Variants in LRP11 observed in about 807,000 individuals in gnomAD.
LRP11 encodes the protein LDL receptor related protein 11.
In LRP11, 25 loss-of-function variants were observed where a neutral mutation model predicts 43.1. The observed-to-expected ratio is 0.58, with a 90% CI of 0.42 to 0.81. The LOEUF (loss-of-function observed/expected upper bound fraction) is 0.81. Ranked by LOEUF, LRP11 falls within the 30% of genes least tolerant of loss-of-function variation. The pLI is 0.00. For missense variants in LRP11, 623 were observed against 665.1 expected, an observed-to-expected ratio of 0.94 and a Z score of 0.70; for synonymous variants, 316 against 299.4, an observed-to-expected ratio of 1.06 and a Z score of -0.57.
At chr6:149,845,525 T>TAA (rs1776618927) in intron 2 of LRP11, among the ~76,000 whole-genome samples, 1 of 152,152 alleles carries the variant, frequency 6.6e-6, no homozygotes. Flanking sequence ...GCCACGCTGT[T>TAA]ACATTACCTT....
chr6:149,863,877 C>A lies in LRP11; in HGVS notation c.144G>T (p.Leu48=). The A allele has an allele frequency of 2.7e-6, 4 of 1,499,470 alleles. No homozygotes were observed. The highest frequency in any genetic ancestry group is 1.2e-5 in the South Asian group (1 of 80,232). The allele number at this position is 1,499,470 out of a possible 1,614,324, so 92.9% of individuals were successfully genotyped here. A position where few individuals can be genotyped will look rare whatever the true frequency, so the allele number is the denominator to read the frequency against. Residue 48 remains leucine, a synonymous_variant, in exon 1 of 7, where the codon CTG becomes CTT. Coordinates refer to ENST00000239367, the MANE Select transcript of LRP11 (RefSeq NM_032832.6). Reference sequence around the variant, plus strand: ...GCTCCACGCCCGACAGCTGCGCGTGCAGTTCGGACAGCGGCGCCGCGGGCG... The same window carrying A: ...GCTCCACGCCCGACAGCTGCGCGTGAAGTTCGGACAGCGGCGCCGCGGGCG... ...ALPPAAPLSE[L]HAQLSGVEQL... is the part of the protein sequence containing the mutation.
At chr6:149,860,087 A>G (rs893297850) in intron 1 of LRP11, among the ~76,000 whole-genome samples, 1 of 152,150 alleles carries the variant, frequency 6.6e-6, no homozygotes, top group Non-Finnish European at 1.5e-5. Flanking sequence ...TTGGAGAGGG[A>G]GAGTGGTCAA....
At chr6:149,835,741 G>A (rs1377736724) in intron 5 of LRP11, among the ~76,000 whole-genome samples, 3 of 152,112 alleles carry the variant, frequency 2.0e-5, no homozygotes, top group African/African-American at 7.2e-5. Context: ...ACTTGCTTGG[G>A]TGAAGAGGAT....
At chr6:149,823,277 T>TA (rs1562435241) in intron 6 of LRP11, among the ~76,000 whole-genome samples, 1 of 152,076 alleles carries the variant, frequency 6.6e-6, no homozygotes, top group Non-Finnish European at 1.5e-5. Context: ...GTACAGAAGA[T>TA]GGAGGATGCT....
intron 4 of LRP11, 56 bp downstream of exon 4, chr6:149,837,282 C>T: frequency 6.3e-7 from 1 of 1,576,364 alleles, no homozygotes; most frequent in Non-Finnish European, 8.6e-7. Flanking sequence ...AGAACACAGA[C>T]CTCCCAACTC....
intron 2 of LRP11, 151 bp from the exon 3 acceptor site, chr6:149,843,275 T>C: frequency 1.3e-6 from 1 of 765,054 alleles, no homozygotes; most frequent in East Asian, 2.6e-5. Context: ...CACACACTGT[T>C]GGCAGCTGGC....
chr6:149,863,550 C>G lies in LRP11; in HGVS notation c.471G>C (p.Val157=). Residue 157 remains valine (V), a synonymous_variant, in exon 1 of 7, where the codon GTG becomes GTC. Transcript: ENST00000239367. ...LPRRPAPPAA[V]LGCYLFNCTA... Reference sequence around the variant, plus strand: ...TGCAGTTGAAGAGGTAGCAGCCGAGCACGGCTGCCGGGGGCGCGGGGCGCC... The same window carrying G: ...TGCAGTTGAAGAGGTAGCAGCCGAGGACGGCTGCCGGGGGCGCGGGGCGCC... 2 of 1,371,730 alleles carry G rather than the reference C, an allele frequency of 1.5e-6. No individual in the cohort carries two copies. Among genetic ancestry groups the G allele is most frequent in the Non-Finnish European group, 1.9e-6 (2 of 1,070,276 alleles). The allele number at this position is 1,371,730 out of a possible 1,614,324, so 85.0% of individuals were successfully genotyped here.
chr6:149,823,690 T>C (rs1411492260), intron 6 of LRP11, among the ~76,000 whole-genome samples: 1 of 152,188 alleles, frequency 6.6e-6, no homozygotes, highest in Non-Finnish European at 1.5e-5. Flanking sequence ...GTAAAACTCC[T>C]GAACAAGATT....
rs1018718191 is a variant in LRP11, at chr6:149,825,999, C to T, written c.1348+265G>A. Reference sequence around the variant, plus strand: ...TCTGACTCTAAAGCTTGTGTTCTCCCACCATGCCACAAGTATGACATTTTC... The same window carrying T: ...TCTGACTCTAAAGCTTGTGTTCTCCTACCATGCCACAAGTATGACATTTTC... On this transcript the variant is annotated intron_variant, in intron 6 of 6. Coordinates refer to ENST00000239367, the MANE Select transcript of LRP11 (RefSeq NM_032832.6). 4.6e-5 allele frequency: 20 copies of T among 434,320 alleles called. No individual in the cohort carries two copies. In the South Asian group the frequency reaches 4.6e-4, roughly 10 times the overall value. 26.9% of individuals were successfully genotyped at this position (434,320 alleles called of 1,614,324 possible).
In LRP11 at chr6:149,855,722, A is replaced by C. The variant is rs559586556; in HGVS notation, c.614-2562T>G. On this transcript the variant is annotated intron_variant, in intron 1 of 6. Coordinates refer to ENST00000239367, the MANE Select transcript of LRP11 (RefSeq NM_032832.6). Reference sequence around the variant, plus strand: ...CTTTTTTTTTTTTTTTAAAAAAAAAACACATTATGAGGAATTAAGCACAAT... The same window carrying C: ...CTTTTTTTTTTTTTTTAAAAAAAAACCACATTATGAGGAATTAAGCACAAT... Among the ~76,000 whole-genome samples the C allele has an allele frequency of 5.4e-5, 8 of 148,490 alleles. No individual in the cohort carries two copies. In the East Asian group the frequency reaches 1.4e-3, roughly 25 times the overall value.
At chr6:149,832,781 C>T (rs576721451) in intron 5 of LRP11, among the ~76,000 whole-genome samples, 45 of 151,818 alleles carry the variant, frequency 3.0e-4, no homozygotes, top group African/African-American at 7.0e-4. Flanking sequence ...CCACCATGCC[C>T]GGCTAATTTT....
chr6:149,845,462 C>T (rs141826716), intron 2 of LRP11, among the ~76,000 whole-genome samples: 211 of 152,332 alleles, frequency 1.4e-3, no homozygotes, highest in African/African-American at 4.9e-3. Flanking sequence ...CTGGCAATGA[C>T]GGCCACCTGC....
intron 5 of LRP11, among the ~76,000 whole-genome samples, chr6:149,829,195 C>T (rs1430560393): frequency 6.6e-6 from 1 of 152,162 alleles, no homozygotes. Context: ...TCTGCTTTAT[C>T]TCTCTCTCCA....
At position 149,864,001 on chromosome 6, in the gene LRP11, T is replaced by C; in HGVS notation, c.20A>G (p.Glu7Gly). 1 of 1,364,558 alleles carries C rather than the reference T, an allele frequency of 7.3e-7. No individual in the cohort carries two copies. Among genetic ancestry groups the C allele is most frequent in the Non-Finnish European group, 9.4e-7 (1 of 1,067,022 alleles). The allele number at this position is 1,364,558 out of a possible 1,614,324, so 84.5% of individuals were successfully genotyped here. A position where few individuals can be genotyped will look rare whatever the true frequency, so the allele number is the denominator to read the frequency against. MASVAQ[E>G]SAGSQRRLPP... ...TAGCCGGCGCTGCGAGCCCGCGCTC[T>C]CCTGGGCGACGGAGGCCATGGCGAC... is the stretch of plus-strand genomic sequence containing the variant. The change falls in exon 1 of 7, where the codon GAG (glutamate) becomes GGG (glycine). Residue 7 changes from glutamate to glycine, a missense_variant. Transcript: ENST00000239367.
At position 149,818,941 on chromosome 6, in the gene LRP11, T is replaced by C. The variant is rs2115365511; in HGVS notation, c.*1608A>G. On this transcript the variant is annotated 3_prime_UTR_variant, in exon 7 of 7. Coordinates refer to ENST00000239367, the MANE Select transcript of LRP11 (RefSeq NM_032832.6). Reference sequence around the variant, plus strand: ...GCTGCATGCCTCATCAGTTTTTATTTTATTGGTTATGGCTATAGTTGACAT... The same window carrying C: ...GCTGCATGCCTCATCAGTTTTTATTCTATTGGTTATGGCTATAGTTGACAT... 1 of 152,734 alleles carries C rather than the reference T, an allele frequency of 6.5e-6. No homozygotes were observed. Among genetic ancestry groups the C allele is most frequent in the South Asian group, 2.1e-4 (1 of 4,830 alleles). The allele number at this position is 152,734 out of a possible 1,614,324, so 9.5% of individuals were successfully genotyped here. A position where few individuals can be genotyped will look rare whatever the true frequency, so the allele number is the denominator to read the frequency against.
chr6:149,841,938 TTAG>T (rs1389357301), intron 3 of LRP11, among the ~76,000 whole-genome samples: 2 of 152,150 alleles, frequency 1.3e-5, no homozygotes, highest in Non-Finnish European at 2.9e-5. Flanking sequence ...ATGTAGATGT[TTAG>T]AAAAGTAAGA....
chr6:149,862,577 C>CTTTTTTTTTTTTTTTTT (rs10553273), intron 1 of LRP11, among the ~76,000 whole-genome samples: 2 of 126,200 alleles, frequency 1.6e-5, no homozygotes, highest in African/African-American at 6.0e-5. Context: ...TTTTCTTTTC[C>CTTTTTTTTTTTTTTTTT]TTTTTTTTTT....
In LRP11 at chr6:149,825,207, TTAC is replaced by T. The variant is rs71756116; in HGVS notation, c.1348+1054_1348+1056del. Among the ~76,000 whole-genome samples, 766 of 152,358 alleles carry T rather than the reference TTAC, an allele frequency of 5.0e-3. 3 individuals carry two copies. The highest frequency in any genetic ancestry group is 0.018 in the African/African-American group (737 of 41,596). On this transcript the variant is annotated intron_variant, in intron 6 of 6. Transcript: ENST00000239367. ...ATATTTTGTTCTTCTAAAGCTTCTT[TTAC>T]TAGTTTGTGGGATTTAAGACTAAAG... is the stretch of plus-strand genomic sequence containing the variant.
At position 149,863,402 on chromosome 6, in the gene LRP11, G is replaced by A; in HGVS notation, c.613+6C>T. ...GCCAAGGCCGGCCCCTCAGTCGCGC[G>A]CTTACCCTGCCGGGGCGAGGCGCGC... On this transcript the variant is annotated splice_donor_region_variant and intron_variant, in intron 1 of 6. Transcript: ENST00000239367. 7.4e-7 allele frequency: 1 copy of A among 1,342,434 alleles called. No individual in the cohort carries two copies. The highest frequency in any genetic ancestry group is 9.5e-7 in the Non-Finnish European group (1 of 1,055,050). The allele number at this position is 1,342,434 out of a possible 1,614,324, so 83.2% of individuals were successfully genotyped here.
Sources: allele counts gnomAD v4.1 joint callset (sites outside exome capture counted in the v4.1 genomes callset), GRCh38; gene constraint gnomAD v4.1.1; transcripts MANE v1.5; gene names NCBI Gene and HGNC (gene_info 2026-07-23, HGNC 2026-07-21).